The following SCAF11 variants were observed in gnomAD, a reference collection of about 807,000 sequenced individuals.
The protein encoded by SCAF11 is SR-related CTD associated factor 11, also known as protein SCAF11.
In SCAF11, 47 loss-of-function variants were observed where a neutral mutation model predicts 140.5. The ratio of observed to expected loss-of-function variants is 0.33; its 90% CI spans 0.26 to 0.43. SCAF11 has a LOEUF of 0.43. Ranked by LOEUF, SCAF11 falls within the 20% of genes least tolerant of loss-of-function variation. The pLI is 1.00. For missense variants in SCAF11, 1,645 were observed against 1,705.1 expected (o/e 0.96, Z 0.62); for synonymous variants, 557 against 579.4 (o/e 0.96, Z 0.55).
chr12:45,964,962 TTGTG>T lies in SCAF11; in HGVS notation c.-21-778_-21-775del, dbSNP rs898333114. Among the ~76,000 whole-genome samples, 35 of 151,552 alleles carry T rather than the reference TTGTG, an allele frequency of 2.3e-4. 1 individual carries two copies. In the South Asian group the frequency reaches 6.3e-3, roughly 27 times the overall value. ...GTGTGTGTGTCTACTAAGGAGACAG[TTGTG>T]TGTGTGTATGTGTGTGTCTCTACTG... On this transcript the variant is annotated intron_variant, in intron 1 of 14. Coordinates refer to ENST00000369367, the MANE Select transcript of SCAF11 (RefSeq NM_004719.3).
chr12:45,959,597 GA>G (rs1412739140), intron 3 of SCAF11, among the ~76,000 whole-genome samples: 1 of 151,912 alleles, frequency 6.6e-6, no homozygotes, highest in African/African-American at 2.4e-5. Context: ...TTATAATGAT[GA>G]AAAAAAGAAA....
intron 1 of SCAF11, among the ~76,000 whole-genome samples, chr12:45,966,541 TAA>T (rs1373722184): frequency 6.6e-6 from 1 of 151,484 alleles, no homozygotes; most frequent in African/African-American, 2.4e-5. Context: ...TATTAAGGAA[TAA>T]AAAAAGAGGA....
Position 45,928,116 on chromosome 12 carries a change from T to C in SCAF11, c.1585A>G (p.Ile529Val), listed in dbSNP as rs746334094. ...ACCTCTGATTGTGAAAGTCCAGATA[T>C]CTGGTCTTGCTTTTCCAATGGATCA... ...GGDPLEKQDQ[I>V]SGLSQSEVKT... is the part of the protein sequence containing the mutation. Residue 529 changes from isoleucine (I) to valine (V), a missense_variant, in exon 11 of 15, where the codon ATA (isoleucine) becomes GTA (valine). Physicochemically the swap from Ile to Val is conservative, Grantham distance 29. This residue lies in a region of SCAF11 where 1,582 missense variants were observed against 1,609.2 expected (regional missense o/e 0.98). Transcript: ENST00000369367. 6.8e-6 allele frequency: 11 copies of C among 1,614,010 alleles called. No individual in the cohort carries two copies. Among genetic ancestry groups the C allele is most frequent in the South Asian group, 2.2e-5 (2 of 91,070 alleles).
At chr12:45,922,862 A>T in intron 13 of SCAF11, 74 bp downstream of exon 13, 2 of 1,364,770 alleles carry the variant, frequency 1.5e-6, no homozygotes, top group African/African-American at 2.9e-5. Flanking sequence ...CACCACTCAT[A>T]CAATAAAAAG....
rs201384582 is a variant in SCAF11, at chr12:45,933,150, T to C, written c.715A>G (p.Thr239Ala). 3.7e-6 allele frequency: 6 copies of C among 1,609,840 alleles called. No individual in the cohort carries two copies. The African/African-American group carries it at 5.3e-5, about 14-fold the overall frequency. Residue 239 changes from threonine (T) to alanine (A), a missense_variant, in exon 9 of 15, where the codon ACA (threonine) becomes GCA (alanine). Around this residue, in one of 2 missense-constraint regions of SCAF11, gnomAD observed 1,582 missense variants for 1,609.2 expected, o/e 0.98. Coordinates refer to ENST00000369367, the MANE Select transcript of SCAF11 (RefSeq NM_004719.3). ...TTTTACCTTCCAATTCCAGGTAATG[T>C]ATCAGGAAACCATGACAATTCCAGT... The part of the protein sequence containing the change: ...HELELSWFPD[T>A]LPGIGRIGFI...
intron 6 of SCAF11, among the ~76,000 whole-genome samples, chr12:45,936,129 C>G (rs906148842): frequency 1.4e-4 from 21 of 151,442 alleles, no homozygotes; most frequent in African/African-American, 5.1e-4. Context: ...TTATACTACT[C>G]TATGTGTGGT....
At chr12:45,945,854 CTTAT>C (rs1471087502) in intron 5 of SCAF11, among the ~76,000 whole-genome samples, 1 of 151,602 alleles carries the variant, frequency 6.6e-6, no homozygotes, top group Non-Finnish European at 1.5e-5. Context: ...TATTCTTATT[CTTAT>C]TATTATTTTT....
chr12:45,930,918 T>C (rs1232635091), intron 10 of SCAF11: 1 of 152,200 alleles, frequency 6.6e-6, no homozygotes. Context: ...TTTTCCGATA[T>C]ATTTATTTTT....
chr12:45,948,569 C>A (rs1292808026), intron 4 of SCAF11, 32 bp from the exon 5 acceptor site: 1 of 1,294,864 alleles, frequency 7.7e-7, no homozygotes, highest in Admixed American at 1.9e-5. Context: ...TTTAGAGCAA[C>A]AATCCAGCCT....
rs1384529914 is a variant in SCAF11 at position 45,924,875 on chromosome 12, T to A, written c.3759A>T (p.Leu1253=). ...GCACTCCTGTGTGGAGATGCAAGGG[T>A]AGCTGAGGATGAATGTTAAATGGAT... ...QRNPFNIHPQ[L]PLHLHTGVPL... Residue 1253 remains leucine (L), a synonymous_variant, in exon 12 of 15, where the codon CTA becomes CTT. Coordinates refer to ENST00000369367, the MANE Select transcript of SCAF11 (RefSeq NM_004719.3). 2.2e-5 allele frequency: 36 copies of A among 1,613,910 alleles called. No individual in the cohort carries two copies. The highest frequency in any genetic ancestry group is 2.9e-5 in the Non-Finnish European group (34 of 1,180,006).
intron 6 of SCAF11, among the ~76,000 whole-genome samples, chr12:45,943,711 G>A (rs907299424): frequency 6.6e-6 from 1 of 152,054 alleles, no homozygotes; most frequent in Non-Finnish European, 1.5e-5. Context: ...AATTACCTCA[G>A]CATCAGCACT....
chr12:45,967,372 G>A (rs773946664), intron 1 of SCAF11, among the ~76,000 whole-genome samples: 80 of 152,300 alleles, frequency 5.3e-4, no homozygotes, highest in Non-Finnish European at 8.8e-4. Flanking sequence ...GCCAGGTGCC[G>A]GTGGCTCACG....
intron 1 of SCAF11, among the ~76,000 whole-genome samples, chr12:45,985,316 A>G (rs566605303): frequency 1.3e-5 from 2 of 152,172 alleles, no homozygotes; most frequent in South Asian, 4.1e-4. Context: ...CCAGTTTCCC[A>G]TTGCCTTTGC....
chr12:45,939,086 A>C (rs1258014152), intron 6 of SCAF11, among the ~76,000 whole-genome samples: 1 of 151,004 alleles, frequency 6.6e-6, no homozygotes, highest in Non-Finnish European at 1.5e-5. Flanking sequence ...TAGTGTGGCA[A>C]CATCATCTTC....
chr12:45,986,135 C>G (rs1418710749), intron 1 of SCAF11, among the ~76,000 whole-genome samples: 1 of 152,112 alleles, frequency 6.6e-6, no homozygotes, highest in Non-Finnish European at 1.5e-5. Flanking sequence ...TCATCCATAC[C>G]TATAGTTCCA....
At chr12:45,923,214 T>C (rs1437051765) in intron 12 of SCAF11, 60 bp from the exon 13 acceptor site, 1 of 1,435,926 alleles carries the variant, frequency 7.0e-7, no homozygotes, top group African/African-American at 1.4e-5. Flanking sequence ...AGTCTTTTAG[T>C]GATGCATTAG....
Position 45,927,341 on chromosome 12 carries a change from G to T in SCAF11, c.2360C>A (p.Pro787His). 1 of 1,614,092 alleles carries T rather than the reference G, an allele frequency of 6.2e-7. No individual in the cohort carries two copies. Among genetic ancestry groups the T allele is most frequent in the Non-Finnish European group, 8.5e-7 (1 of 1,179,994 alleles). Residue 787 changes from proline (P) to histidine (H), a missense_variant, in exon 11 of 15, where the codon CCT becomes CAT. This residue lies in a region of SCAF11 where 1,582 missense variants were observed against 1,609.2 expected (regional missense o/e 0.98). Coordinates refer to ENST00000369367, the MANE Select transcript of SCAF11 (RefSeq NM_004719.3). ...ATGAAATCTAGATCTTCGAGTACGA[G>T]GCTTTTTGGTTTTATCTATGGTATC... ...PKDTIDKTKK[P>H]RTRRSRFHSP...
At chr12:45,956,969 G>A (rs1474358920) in intron 3 of SCAF11, among the ~76,000 whole-genome samples, 1 of 152,114 alleles carries the variant, frequency 6.6e-6, no homozygotes, top group African/African-American at 2.4e-5. Context: ...TGAAAATAGT[G>A]GTGGATCTGA....
At chr12:45,983,916 G>A (rs1293172701) in intron 1 of SCAF11, among the ~76,000 whole-genome samples, 1 of 152,166 alleles carries the variant, frequency 6.6e-6, no homozygotes, top group African/African-American at 2.4e-5. Context: ...TAATAGAGAT[G>A]TGAGTCTTAA....
Sources: allele counts gnomAD v4.1 joint callset (sites outside exome capture counted in the v4.1 genomes callset), GRCh38; gene constraint gnomAD v4.1.1; regional missense constraint gnomAD v4.1.1; transcripts MANE v1.5; gene names NCBI Gene and HGNC (gene_info 2026-07-23, HGNC 2026-07-21).